Variants in ANK1 observed in about 807,000 individuals in gnomAD.
ANK1 encodes the protein ankyrin-1.
ANK1 carries 51 observed loss-of-function variants against 210.4 expected under a neutral mutation model. The observed-to-expected ratio is 0.24, with a 90% CI of 0.19 to 0.31. The LOEUF (loss-of-function observed/expected upper bound fraction) is 0.31. ANK1 is among the 10% of genes least tolerant of loss of function. ANK1 has a pLI of 1.00. For missense variants in ANK1, 2,051 were observed against 2,504.4 expected (o/e 0.82, Z 3.86); for synonymous variants, 967 against 1,025.9 (o/e 0.94, Z 1.10).
chr8:41,892,257 C>A (rs1423050291), intron 1 of ANK1, among the ~76,000 whole-genome samples: 1 of 151,972 alleles, frequency 6.6e-6, no homozygotes, highest in Non-Finnish European at 1.5e-5. Flanking sequence ...CCAAATCTCC[C>A]CTGTGATTCC....
chr8:41,704,591 T>G lies in ANK1; in HGVS notation c.2098-119A>C. 1.1e-6 allele frequency: 1 copy of G among 870,686 alleles called. No homozygotes were observed. The highest frequency in any genetic ancestry group is 1.9e-6 in the Non-Finnish European group (1 of 527,142). 53.9% of individuals were successfully genotyped at this position (870,686 alleles called of 1,614,324 possible). ...ACAGGGAGCCCCTTGAAGGCTGACA[T>G]TGACAAGCTGAATGGCTGCTGCTGG... On this transcript the variant is annotated intron_variant, in intron 18 of 42. Transcript: ENST00000289734. This position sits in a 1 kb window ranked among gnomAD's most constrained non-coding sequence, Gnocchi z 4.1.
chr8:41,673,361 G>C (rs1813113634), intron 37 of ANK1, among the ~76,000 whole-genome samples: 1 of 152,260 alleles, frequency 6.6e-6, no homozygotes, highest in Admixed American at 6.5e-5. Flanking sequence ...TAGCTCTTAG[G>C]TTCTCAGGGA....
chr8:41,701,725 G>T, intron 21 of ANK1, 103 bp from the exon 22 acceptor site: 1 of 1,223,120 alleles, frequency 8.2e-7, no homozygotes, highest in Non-Finnish European at 1.2e-6. Context: ...TCCCACAAAT[G>T]AAGAAAAACA....
At chr8:41,762,425 G>A (rs570777566) in intron 1 of ANK1, among the ~76,000 whole-genome samples, 7 of 152,170 alleles carry the variant, frequency 4.6e-5, no homozygotes, top group African/African-American at 1.7e-4. Flanking sequence ...ATTCAGGCAA[G>A]TCTTGTCTCC....
chr8:41,837,000 CTGT>C (rs1406619473), intron 1 of ANK1, among the ~76,000 whole-genome samples: 2 of 151,822 alleles, frequency 1.3e-5, no homozygotes, highest in African/African-American at 4.8e-5. Flanking sequence ...GGGTCCTGGT[CTGT>C]GGTCAGCAGT....
chr8:41,730,450 T>C (rs75825906), intron 3 of ANK1, among the ~76,000 whole-genome samples: 29,228 of 137,026 alleles, frequency 0.21, 3,580 homozygotes, highest in South Asian at 0.3. Flanking sequence ...GTCTTTTCTT[T>C]CTTTTTTTTT....
At chr8:41,867,691 G>A (rs768922580) in intron 1 of ANK1, among the ~76,000 whole-genome samples, 62 of 152,156 alleles carry the variant, frequency 4.1e-4, no homozygotes, top group Non-Finnish European at 6.9e-4. Flanking sequence ...TCTCCATCAA[G>A]TCATGGCTTG....
chr8:41,697,985 C>G, intron 24 of ANK1, 58 bp downstream of exon 24: 1 of 1,552,108 alleles, frequency 6.4e-7, no homozygotes, highest in South Asian at 1.1e-5. Context: ...TCAACAATCA[C>G]TGTCCCAGGG....
chr8:41,664,857 T>C (rs1436737219), intron 39 of ANK1: 1 of 1,613,490 alleles, frequency 6.2e-7, no homozygotes, highest in African/African-American at 1.3e-5. Flanking sequence ...CTCCTCGTCG[T>C]CACTGAGGCC....
chr8:41,703,420 G>GTATATATA (rs1431513474), intron 20 of ANK1, among the ~76,000 whole-genome samples: 1 of 51,122 alleles, frequency 2.0e-5, no homozygotes, highest in Admixed American at 2.9e-4. Context: ...GTGTGTGTGT[G>GTATATATA]TGTATATATA....
chr8:41,703,450 A>ATATATATATATATATTT (rs59985416), intron 20 of ANK1, among the ~76,000 whole-genome samples: 1 of 58,820 alleles, frequency 1.7e-5, no homozygotes, highest in African/African-American at 9.0e-5. Context: ...ATATATATAT[A>ATATATATATATATATTT]TTTTTTTTTT....
chr8:41,716,106 C>T (rs918423340), intron 13 of ANK1, among the ~76,000 whole-genome samples: 2 of 152,214 alleles, frequency 1.3e-5, no homozygotes, highest in African/African-American at 4.8e-5. Context: ...GCCCAGCCCT[C>T]CCATCTGTAA....
At position 41,797,576 on chromosome 8, in the gene ANK1, G is replaced by A. The variant is rs1286466342; in HGVS notation, c.-38C>T. ...GCAGGGGCCCGCCGAAGGGCCTTGG[G>A]GGCTTGAGGAGGAGCAGCTGGGGCT... On this transcript the variant is annotated 5_prime_UTR_variant, in exon 1 of 43. Coordinates refer to ENST00000289734, the MANE Select transcript of ANK1 (RefSeq NM_000037.4). The surrounding 1 kb of genome is among the most constrained non-coding windows in gnomAD (Gnocchi z 4.0). 2.5e-6 allele frequency: 4 copies of A among 1,612,290 alleles called. No homozygotes were observed. Among genetic ancestry groups the A allele is most frequent in the Middle Eastern group, 3.5e-4 (2 of 5,752 alleles).
intron 1 of ANK1, among the ~76,000 whole-genome samples, chr8:41,879,779 G>A (rs1399267179): frequency 6.6e-6 from 1 of 152,180 alleles, no homozygotes; most frequent in African/African-American, 2.4e-5. Context: ...AGAAGCCCCA[G>A]GGCTCCTCTC....
chr8:41,798,274 G>C (rs994740555), upstream of ANK1, among the ~76,000 whole-genome samples: 4 of 152,058 alleles, frequency 2.6e-5, no homozygotes, highest in Non-Finnish European at 5.9e-5. Flanking sequence ...TGTTCTCCGC[G>C]TGCTTTCACT....
chr8:41,687,207 C>G (rs187880448), intron 35 of ANK1, among the ~76,000 whole-genome samples: 1 of 152,210 alleles, frequency 6.6e-6, no homozygotes, highest in African/African-American at 2.4e-5. Flanking sequence ...GAAGGGGAAG[C>G]CATCTCAGTG....
At chr8:41,896,730 G>T in exon 1 of ANK1, 1 of 213,376 alleles carries the variant, frequency 4.7e-6, no homozygotes, top group South Asian at 1.6e-4. Flanking sequence ...GCCGGCGCCC[G>T]GGACGGGCTC....
Position 41,724,506 on chromosome 8 carries a change from C to T in ANK1, c.661G>A (p.Val221Met), listed in dbSNP as rs1347748233. Residue 221 changes from valine to methionine, a missense_variant, in exon 7 of 43, where the codon GTG becomes ATG. Val to Met is a conservative substitution (Grantham distance 21). Coordinates refer to ENST00000289734, the MANE Select transcript of ANK1 (RefSeq NM_000037.4). ...HIAAHYENLN[V>M]AQLLLNRGAS... Reference sequence around the variant, plus strand: ...CCTCTGTTGAGGAGCAACTGGGCCACGTTGAGGTTCTCGTAGTGAGCCGCA... The same window carrying T: ...CCTCTGTTGAGGAGCAACTGGGCCATGTTGAGGTTCTCGTAGTGAGCCGCA... 3.1e-6 allele frequency: 5 copies of T among 1,602,468 alleles called. No individual in the cohort carries two copies. In the Admixed American group the frequency reaches 5.1e-5, roughly 16 times the overall value.
chr8:41,695,146 G>A lies in ANK1; in HGVS notation c.3115+31C>T, dbSNP rs373382486. The A allele has an allele frequency of 2.5e-6, 4 of 1,613,622 alleles. No homozygotes were observed. The South Asian group carries it at 3.3e-5, about 13-fold the overall frequency. The stretch of plus-strand genomic sequence containing the variant: ...ACTCAAACCCCTCTTCCGCAAGGAG[G>A]GGACCCAGCCCTGGGATCCCCCGCC... On this transcript the variant is annotated intron_variant, in intron 27 of 42. Transcript: ENST00000289734.
Sources: allele counts gnomAD v4.1 joint callset (sites outside exome capture counted in the v4.1 genomes callset), GRCh38; gene constraint gnomAD v4.1.1; non-coding constraint Gnocchi (gnomAD v3.1); transcripts MANE v1.5; gene names NCBI Gene and HGNC (gene_info 2026-07-23, HGNC 2026-07-21).